ATP2B2: variants seen among roughly 807,000 people sequenced by gnomAD.
The protein encoded by ATP2B2 is plasma membrane calcium-transporting ATPase 2.
In ATP2B2, 15 loss-of-function variants were observed where a neutral mutation model predicts 120.0. The observed-to-expected ratio is 0.12, with a 90% CI of 0.08 to 0.19. The LOEUF (loss-of-function observed/expected upper bound fraction) is 0.19, where lower values mean the gene tolerates loss of function less well. Among genes scored for constraint, ATP2B2 ranks in the 10% least tolerant of loss-of-function variants. The probability of loss-of-function intolerance (pLI) is 1.00; values close to 1 mark genes in which losing one functional copy is unlikely to be tolerated. For synonymous variants in ATP2B2, 694 were observed against 700.3 expected (o/e 0.99, Z 0.14); for missense variants, 1,045 against 1,719.8 (o/e 0.61, Z 6.94).
chr3:10,614,869 C>T (rs1447693681), intron 2 of ATP2B2, among the ~76,000 whole-genome samples: 2 of 152,228 alleles, frequency 1.3e-5, no homozygotes, highest in Non-Finnish European at 1.5e-5. Flanking sequence ...AATTTTCAGT[C>T]TCCCAGAAAA....
chr3:10,486,324 C>CGTGTGTGCGTGTGTGTGT (rs763360449), intron 1 of ATP2B2, among the ~76,000 whole-genome samples: 4 of 117,174 alleles, frequency 3.4e-5, no homozygotes, highest in South Asian at 2.6e-4. Flanking sequence ...TGTGTGCGTG[C>CGTGTGTGCGTGTGTGTGT]GTGTGTGTGT....
intron 3 of ATP2B2, among the ~76,000 whole-genome samples, chr3:10,512,500 A>ACACACG (rs1559431610): frequency 6.6e-6 from 1 of 150,526 alleles, no homozygotes; most frequent in Admixed American, 6.6e-5. Flanking sequence ...ACACACACAC[A>ACACACG]CACACACACA....
intron 2 of ATP2B2, among the ~76,000 whole-genome samples, chr3:10,578,010 C>T (rs2068293712): frequency 6.6e-6 from 1 of 152,184 alleles, no homozygotes; most frequent in Non-Finnish European, 1.5e-5. Flanking sequence ...ATCCCAGAGT[C>T]CAAGTCTCTA....
At chr3:10,330,094 C>T (rs1161228438) in intron 22 of ATP2B2, 3 of 153,156 alleles carry the variant, frequency 2.0e-5, no homozygotes, top group Non-Finnish European at 4.4e-5. Flanking sequence ...ATCAGATGGC[C>T]AAACCCAGCC....
At chr3:10,458,212 C>A (rs1407087535) in intron 1 of ATP2B2, among the ~76,000 whole-genome samples, 1 of 152,128 alleles carries the variant, frequency 6.6e-6, no homozygotes, top group African/African-American at 2.4e-5. Flanking sequence ...CATCACAGGC[C>A]CTGCCCCGGG....
At position 10,594,961 on chromosome 3, in the gene ATP2B2, A is replaced by G. The variant is rs182883989; in HGVS notation, c.-415+24956T>C. ...ATCAAATGCAGTTATTTTCCCAGAT[A>G]CTCACACTCAGTCCAGATGCAGCAA... On this transcript the variant is annotated intron_variant, in intron 2 of 21. Coordinates refer to the ATP2B2 transcript ENST00000646379. 2.2e-3 allele frequency among the ~76,000 whole-genome samples: 341 copies of G among 152,304 alleles called. 1 individual carries two copies. Among genetic ancestry groups the G allele is most frequent in the African/African-American group, 7.9e-3 (329 of 41,554 alleles).
At chr3:10,523,946 T>C (rs934611567) in intron 3 of ATP2B2, among the ~76,000 whole-genome samples, 3 of 152,218 alleles carry the variant, frequency 2.0e-5, no homozygotes, top group African/African-American at 7.2e-5. Flanking sequence ...CATTTGTTTG[T>C]TTTGCTCAGA....
chr3:10,647,126 G>A (rs2070342508), intron 1 of ATP2B2, among the ~76,000 whole-genome samples: 3 of 152,168 alleles, frequency 2.0e-5, no homozygotes, highest in Admixed American at 2.0e-4. Context: ...CAACGATTTG[G>A]GAAAGGAAAA....
chr3:10,532,960 G>A (rs1229564640), intron 3 of ATP2B2, among the ~76,000 whole-genome samples: 11 of 152,302 alleles, frequency 7.2e-5, no homozygotes, highest in Non-Finnish European at 1.3e-4. Flanking sequence ...GGCTAATGGC[G>A]GCTACTGGGA....
intron 2 of ATP2B2, among the ~76,000 whole-genome samples, chr3:10,534,616 T>C (rs1428941611): frequency 6.6e-6 from 1 of 151,968 alleles, no homozygotes; most frequent in Non-Finnish European, 1.5e-5. Flanking sequence ...GCAGAGGGGG[T>C]GTGAAAGAGT....
chr3:10,457,400 G>A (rs1394972864), intron 1 of ATP2B2, among the ~76,000 whole-genome samples: 2 of 152,092 alleles, frequency 1.3e-5, no homozygotes, highest in East Asian at 3.8e-4. Flanking sequence ...GAAGAAGTGT[G>A]CAAATGCTGG....
At chr3:10,532,534 G>GCT (rs1173634753) in intron 3 of ATP2B2, among the ~76,000 whole-genome samples, 1 of 152,188 alleles carries the variant, frequency 6.6e-6, no homozygotes, top group African/African-American at 2.4e-5. Flanking sequence ...CTTGTGGATG[G>GCT]CTCTCCTCAA....
At chr3:10,366,058 G>A (rs1403224728) in intron 12 of ATP2B2, among the ~76,000 whole-genome samples, 5 of 152,030 alleles carry the variant, frequency 3.3e-5, no homozygotes, top group East Asian at 1.9e-4. Flanking sequence ...GCCCACCTCC[G>A]GACCTCAGTG....
rs192151322 is a variant in ATP2B2, at chr3:10,703,462, G to A, written c.-460+4453C>T. Among the ~76,000 whole-genome samples, 321 of 152,130 alleles carry A rather than the reference G, an allele frequency of 2.1e-3. 1 individual carries two copies. The highest frequency in any genetic ancestry group is 7.1e-3 in the African/African-American group (295 of 41,470). On this transcript the variant is annotated intron_variant, in intron 1 of 21. Transcript: ENST00000646379. ...TCTATTAGGGAGAAAATTTATATTC[G>A]GCTCCTCTACCTGCCACTCATTTGT...
At chr3:10,434,534 C>T (rs1008709208) in intron 2 of ATP2B2, among the ~76,000 whole-genome samples, 7 of 152,244 alleles carry the variant, frequency 4.6e-5, no homozygotes, top group African/African-American at 1.7e-4. Flanking sequence ...ACATTATTCT[C>T]ATTTAATTTT....
In ATP2B2 at chr3:10,347,495, C is replaced by T. The variant is rs2060462923; in HGVS notation, c.2405-1358G>A. The stretch of plus-strand genomic sequence containing the variant: ...TTCCATAACCTGGGGCACTGTGCCC[C>T]CAACCTGCTCCCTTGCAGCTCTACC... On this transcript the variant is annotated intron_variant, in intron 16 of 22. Transcript: ENST00000360273. This position sits in a 1 kb window ranked among gnomAD's most constrained non-coding sequence, Gnocchi z 5.2. Among the ~76,000 whole-genome samples, 1 of 152,210 alleles carries T rather than the reference C, an allele frequency of 6.6e-6. No homozygotes were observed. Among genetic ancestry groups the T allele is most frequent in the Non-Finnish European group, 1.5e-5 (1 of 68,024 alleles).
intron 2 of ATP2B2, among the ~76,000 whole-genome samples, chr3:10,417,649 C>T (rs1325694757): frequency 2.0e-5 from 3 of 152,148 alleles, no homozygotes; most frequent in Non-Finnish European, 4.4e-5. Flanking sequence ...AATCAATCAC[C>T]GAATTTTGAT....
At chr3:10,368,850 C>T (rs893385766) in intron 12 of ATP2B2, among the ~76,000 whole-genome samples, 1 of 152,184 alleles carries the variant, frequency 6.6e-6, no homozygotes, top group Non-Finnish European at 1.5e-5. Context: ...TTCTCCCTAC[C>T]TATCCCTCAT....
intron 1 of ATP2B2, among the ~76,000 whole-genome samples, chr3:10,477,741 A>G (rs948844738): frequency 7.2e-5 from 11 of 152,352 alleles, no homozygotes; most frequent in African/African-American, 2.6e-4. Context: ...TTTATGGCTG[A>G]GTAATATTGC....
Sources: gnomAD v4.1 joint callset for allele counts (sites outside exome capture counted in the v4.1 genomes callset) on GRCh38, gnomAD v4.1.1 for gene constraint, Gnocchi (gnomAD v3.1) non-coding constraint, MANE v1.5 for transcripts, NCBI Gene and HGNC (gene_info 2026-07-23, HGNC 2026-07-21) for gene names.